Variants in ERGIC1 observed in about 807,000 individuals in gnomAD.
The protein encoded by ERGIC1 is endoplasmic reticulum-golgi intermediate compartment 1.
ERGIC1 carries 19 observed loss-of-function variants against 38.3 expected under a neutral mutation model. The observed-to-expected ratio is 0.50, with a 90% CI of 0.35 to 0.73. ERGIC1 has a LOEUF of 0.73. ERGIC1 is among the 30% of genes least tolerant of loss of function. ERGIC1 has a pLI of 0.01. For synonymous variants in ERGIC1, 124 were observed against 157.6 expected (o/e 0.79, Z 1.60); for missense variants, 294 against 389.2 (o/e 0.76, Z 2.06).
intron 9 of ERGIC1, among the ~76,000 whole-genome samples, chr5:172,946,481 C>T (rs981791865): frequency 6.6e-6 from 1 of 152,182 alleles, no homozygotes; most frequent in African/African-American, 2.4e-5. Flanking sequence ...CCCAGGAATC[C>T]TAAATGGCAA....
At chr5:172,935,376 T>C in intron 9 of ERGIC1, 66 bp downstream of exon 9, 2 of 1,605,242 alleles carry the variant, frequency 1.2e-6, no homozygotes, top group Non-Finnish European at 1.7e-6. Flanking sequence ...TGGGCCCCTT[T>C]CCTTGGCACC....
intron 1 of ERGIC1, among the ~76,000 whole-genome samples, chr5:172,871,348 C>T (rs138266190): frequency 6.6e-6 from 1 of 152,172 alleles, no homozygotes; most frequent in Non-Finnish European, 1.5e-5. Context: ...ACTTGCTGTC[C>T]CTTCTGCCTG....
intron 1 of ERGIC1, among the ~76,000 whole-genome samples, chr5:172,853,389 G>A (rs777235859): frequency 1.3e-5 from 2 of 152,194 alleles, no homozygotes; most frequent in Non-Finnish European, 2.9e-5. Flanking sequence ...GAGCTGGTCA[G>A]GCCACCCAGA....
chr5:172,946,276 A>C (rs1456971999), intron 9 of ERGIC1, among the ~76,000 whole-genome samples: 2 of 152,046 alleles, frequency 1.3e-5, no homozygotes, highest in African/African-American at 4.8e-5. Flanking sequence ...TCACGACTGC[A>C]ATTTGCTTTC....
At chr5:172,851,504 G>A (rs1012408876) in intron 1 of ERGIC1, among the ~76,000 whole-genome samples, 3 of 152,194 alleles carry the variant, frequency 2.0e-5, no homozygotes, top group East Asian at 1.9e-4. Context: ...GCAAGACTCC[G>A]TTTCAATAAA....
rs1344903435 is a variant in ERGIC1 at position 172,909,718 on chromosome 5, C to T, written c.207C>T (p.Ile69=). The T allele has an allele frequency of 5.6e-6, 9 of 1,614,064 alleles. No homozygotes were observed. Among genetic ancestry groups the T allele is most frequent in the African/African-American group, 2.7e-5 (2 of 74,924 alleles). The change falls in exon 4 of 10, where the codon ATC becomes ATT. Residue 69 remains isoleucine (I), a synonymous_variant. Coordinates refer to ENST00000393784, the MANE Select transcript of ERGIC1 (RefSeq NM_001031711.3). ...DDPDKDSGGK[I]DVSLNISLPN... is the part of the protein sequence containing the mutation. ...CAGACAAGGACAGCGGTGGCAAGAT[C>T]GACGTCAGTCTGAACATCAGTTTAC...
intron 1 of ERGIC1, among the ~76,000 whole-genome samples, chr5:172,856,765 T>C (rs1204577119): frequency 2.0e-5 from 3 of 152,208 alleles, no homozygotes; most frequent in Non-Finnish European, 4.4e-5. Context: ...GACTGCGCCT[T>C]ATCAGACCTT....
chr5:172,949,579 A>G (rs1764189489), intron 9 of ERGIC1, among the ~76,000 whole-genome samples: 1 of 151,274 alleles, frequency 6.6e-6, no homozygotes, highest in Non-Finnish European at 1.5e-5. Context: ...TGCTACCGCC[A>G]TTCTCAACCA....
intron 1 of ERGIC1, among the ~76,000 whole-genome samples, chr5:172,852,780 T>C (rs1025050375): frequency 7.2e-5 from 11 of 152,254 alleles, no homozygotes; most frequent in African/African-American, 2.2e-4. Context: ...TTCAGTGAGA[T>C]AACGTGTACA....
At chr5:172,919,828 G>A (rs372392528) in intron 5 of ERGIC1, among the ~76,000 whole-genome samples, 28 of 152,300 alleles carry the variant, frequency 1.8e-4, no homozygotes, top group African/African-American at 6.7e-4. Context: ...CAAGAAATGG[G>A]CCTTCTCTGG....
intron 9 of ERGIC1, among the ~76,000 whole-genome samples, chr5:172,941,376 C>T (rs752321223): frequency 6.6e-6 from 1 of 152,068 alleles, no homozygotes; most frequent in Admixed American, 6.5e-5. Context: ...CTCTTTTAGC[C>T]CCCCCAGCAA....
Position 172,845,048 on chromosome 5 carries a change from G to GGT in ERGIC1, c.20+10616_20+10617insTG, listed in dbSNP as rs1761253529. 3.6e-5 allele frequency among the ~76,000 whole-genome samples: 5 copies of GGT among 140,792 alleles called. No individual in the cohort carries two copies. The Admixed American group carries it at 3.6e-4, about 10-fold the overall frequency. The allele number at this position is 140,792 out of a possible 152,430, so 92.4% of individuals were successfully genotyped here. ...GAGGAGGACGCAGGGGTATATAGGGGGGACAGGACTTGGCCGAGGTCACAC... is the reference window on the plus strand; with the variant it reads ...GAGGAGGACGCAGGGGTATATAGGGGGTGGACAGGACTTGGCCGAGGTCACAC... On this transcript the variant is annotated intron_variant, in intron 1 of 9. Coordinates refer to ENST00000393784, the MANE Select transcript of ERGIC1 (RefSeq NM_001031711.3).
intron 5 of ERGIC1, chr5:172,922,047 G>A (rs561813076): frequency 6.6e-6 from 1 of 152,560 alleles, no homozygotes. Flanking sequence ...GTGTCACAGG[G>A]GCTTGGCCAA....
chr5:172,841,800 C>T lies in ERGIC1; in HGVS notation c.20+7367C>T, dbSNP rs1269506562. On this transcript the variant is annotated intron_variant, in intron 1 of 9. Transcript: ENST00000393784. ...ATGTCATTGGACTTATAAAATCACA[C>T]TGGCCTTACAGACAGATACAATGAT... is the stretch of plus-strand genomic sequence containing the variant. 2.6e-5 allele frequency among the ~76,000 whole-genome samples: 4 copies of T among 152,222 alleles called. No homozygotes were observed. In the East Asian group the frequency reaches 7.7e-4, roughly 29 times the overall value.
At chr5:172,835,132 G>A (rs912839667) in intron 1 of ERGIC1, among the ~76,000 whole-genome samples, 1 of 152,170 alleles carries the variant, frequency 6.6e-6, no homozygotes, top group Non-Finnish European at 1.5e-5. Context: ...GGTTGCATGG[G>A]GCATTCTGGA....
chr5:172,924,672 C>A (rs1763609953), intron 6 of ERGIC1, among the ~76,000 whole-genome samples: 4 of 152,120 alleles, frequency 2.6e-5, no homozygotes, highest in Admixed American at 1.3e-4. Flanking sequence ...GAGCAGCGGT[C>A]TCGCATTGCC....
intron 2 of ERGIC1, among the ~76,000 whole-genome samples, chr5:172,894,096 A>AT: frequency 1.5e-5 from 1 of 68,070 alleles, no homozygotes; most frequent in African/African-American, 6.0e-5. Flanking sequence ...TCTTTAAAAA[A>AT]TTTTTTTTTC....
chr5:172,839,406 G>GA (rs921744327), intron 1 of ERGIC1, among the ~76,000 whole-genome samples: 29 of 148,946 alleles, frequency 1.9e-4, no homozygotes, highest in East Asian at 1.2e-3. Flanking sequence ...TCTCTATGGG[G>GA]AAAAAAAAAT....
intron 3 of ERGIC1, among the ~76,000 whole-genome samples, chr5:172,908,883 T>C (rs1763127898): frequency 6.6e-6 from 1 of 152,186 alleles, no homozygotes; most frequent in African/African-American, 2.4e-5. Context: ...AATTCCTGGC[T>C]TCCCGGCTGG....
Sources: gnomAD v4.1 joint callset for allele counts (sites outside exome capture counted in the v4.1 genomes callset) on GRCh38, gnomAD v4.1.1 for gene constraint, MANE v1.5 for transcripts, NCBI Gene and HGNC (gene_info 2026-07-23, HGNC 2026-07-21) for gene names.